Variants in RGS7 observed in about 807,000 individuals in gnomAD.
The protein encoded by RGS7 is regulator of G protein signaling 7, also known as regulator of G-protein signaling 7.
RGS7 carries 27 observed loss-of-function variants against 81.1 expected under a neutral mutation model. The ratio of observed to expected loss-of-function variants is 0.33; its 90% confidence interval spans 0.25 to 0.46. RGS7 has a LOEUF of 0.46. RGS7 is among the 20% of genes least tolerant of loss of function. The pLI, the probability that RGS7 is intolerant of heterozygous loss-of-function variation, is 1.00. For synonymous variants in RGS7, 208 were observed against 207.7 expected (o/e 1.00, Z -0.01); for missense variants, 396 against 607.4 (o/e 0.65, Z 3.66).
intron 2 of RGS7, among the ~76,000 whole-genome samples, chr1:241,344,431 T>C (rs2082762311): frequency 6.6e-6 from 1 of 152,200 alleles, no homozygotes; most frequent in Non-Finnish European, 1.5e-5. Context: ...AATGAACAGT[T>C]CACATACACT....
At chr1:241,268,989 ACAAATGTGATTCCT>A (rs1486038732) in intron 2 of RGS7, among the ~76,000 whole-genome samples, 1 of 152,222 alleles carries the variant, frequency 6.6e-6, no homozygotes, top group Non-Finnish European at 1.5e-5. Context: ...CTGTTACTTT[ACAAATGTGATTCCT>A]CATTTATTGG....
intron 2 of RGS7, among the ~76,000 whole-genome samples, chr1:241,189,738 C>T (rs561970891): frequency 6.6e-6 from 1 of 152,254 alleles, no homozygotes; most frequent in African/African-American, 2.4e-5. Context: ...TTATTTTAGT[C>T]TATGGACATT....
At chr1:241,005,688 C>T (rs2058653266) in intron 3 of RGS7, among the ~76,000 whole-genome samples, 1 of 152,106 alleles carries the variant, frequency 6.6e-6, no homozygotes, top group African/African-American at 2.4e-5. Flanking sequence ...GCATCCATCA[C>T]CACACCCACC....
chr1:240,945,242 A>T (rs1294294103), intron 4 of RGS7, among the ~76,000 whole-genome samples: 2 of 152,204 alleles, frequency 1.3e-5, no homozygotes, highest in Non-Finnish European at 2.9e-5. Context: ...GAAAGAGAAA[A>T]ATAGCCCAAT....
rs557613659 is a variant in RGS7 at position 240,882,372 on chromosome 1, C to T, written c.386-12253G>A. Among the ~76,000 whole-genome samples the T allele has an allele frequency of 3.9e-5, 6 of 152,274 alleles. No homozygotes were observed. The South Asian group carries it at 8.3e-4, about 21-fold the overall frequency. ...CAAAGGAAAGGGAAATGTCATTGAACGATTCTACCATGAGCCTACTTACAA... is the reference window on the plus strand; with the variant it reads ...CAAAGGAAAGGGAAATGTCATTGAATGATTCTACCATGAGCCTACTTACAA... On this transcript the variant is annotated intron_variant, in intron 6 of 18. Coordinates refer to ENST00000440928, the MANE Select transcript of RGS7 (RefSeq NM_001364886.1).
chr1:240,915,962 A>T (rs144474963), intron 6 of RGS7, among the ~76,000 whole-genome samples: 107 of 152,124 alleles, frequency 7.0e-4, no homozygotes, highest in African/African-American at 2.5e-3. Context: ...GAGAAAAAAA[A>T]GTATAAAAAA....
intron 3 of RGS7, among the ~76,000 whole-genome samples, chr1:241,026,787 G>A (rs1399253708): frequency 6.6e-6 from 1 of 150,764 alleles, no homozygotes; most frequent in Non-Finnish European, 1.5e-5. Context: ...AAAGAGTCTG[G>A]TGAGTGAGAG....
intron 6 of RGS7, among the ~76,000 whole-genome samples, chr1:240,887,791 T>G (rs1469170490): frequency 6.6e-6 from 1 of 152,234 alleles, no homozygotes; most frequent in Non-Finnish European, 1.5e-5. Context: ...TACCTCAGTG[T>G]CATTAAACTA....
intron 7 of RGS7, among the ~76,000 whole-genome samples, chr1:240,869,777 T>C (rs917285612): frequency 2.0e-5 from 3 of 152,038 alleles, no homozygotes; most frequent in Non-Finnish European, 2.9e-5. Context: ...CAGTCTCTAC[T>C]AAAAATACAA....
chr1:241,073,331 A>T (rs2062591892), intron 3 of RGS7, among the ~76,000 whole-genome samples: 1 of 152,200 alleles, frequency 6.6e-6, no homozygotes, highest in Non-Finnish European at 1.5e-5. Flanking sequence ...ATCTGTAATG[A>T]TAAATTCCCA....
chr1:240,811,962 C>T lies in RGS7; in HGVS notation c.1038G>A (p.Gln346=). 6.2e-7 allele frequency: 1 copy of T among 1,613,728 alleles called. No homozygotes were observed. The highest frequency in any genetic ancestry group is 8.5e-7 in the Non-Finnish European group (1 of 1,179,596). Residue 346 remains glutamine (Q), a synonymous_variant, in exon 14 of 19, where the codon CAG becomes CAA. Transcript: ENST00000440928. The part of the protein sequence containing the change: ...EALKDPVGRE[Q]FLKFLESEFS... ...ATTCTGACTCTAGAAATTTAAGGAA[C>T]TGTTCTCTCCCAACTGGGTCTTTCA... is the stretch of plus-strand genomic sequence containing the variant.
At chr1:241,313,154 A>G (rs1458057446) in intron 2 of RGS7, among the ~76,000 whole-genome samples, 2 of 152,246 alleles carry the variant, frequency 1.3e-5, no homozygotes, top group African/African-American at 4.8e-5. Flanking sequence ...CCGTAACATA[A>G]AAGTACAAAG....
rs529185655 is a variant in RGS7 at position 241,082,451 on chromosome 1, G to A, written c.175+16215C>T. On this transcript the variant is annotated intron_variant, in intron 3 of 18. Coordinates refer to ENST00000440928, the MANE Select transcript of RGS7 (RefSeq NM_001364886.1). Reference sequence around the variant, plus strand: ...ATTGCCAATTTTGTACTGTTCCTTCGAACATTCTGGTGAAAATAAGTCAGA... The same window carrying A: ...ATTGCCAATTTTGTACTGTTCCTTCAAACATTCTGGTGAAAATAAGTCAGA... 2.0e-5 allele frequency among the ~76,000 whole-genome samples: 3 copies of A among 152,230 alleles called. No individual in the cohort carries two copies. The South Asian group carries it at 6.2e-4, about 32-fold the overall frequency.
intron 2 of RGS7, among the ~76,000 whole-genome samples, chr1:241,121,710 CTTTTTTTTTTT>C (rs10681773): frequency 4.5e-5 from 3 of 66,404 alleles, no homozygotes; most frequent in South Asian, 6.5e-4. Flanking sequence ...TGCAATTGTT[CTTTTTTTTTTT>C]TTTTTTTTTT....
intron 4 of RGS7, among the ~76,000 whole-genome samples, chr1:240,959,842 G>A (rs917288281): frequency 3.9e-5 from 6 of 151,958 alleles, no homozygotes; most frequent in African/African-American, 1.2e-4. Context: ...ACAAGTTCAC[G>A]CTTAAATACA....
rs1682864858 is a variant in RGS7, at chr1:240,775,933, G to A, written c.*287C>T. ...TTCACTTGAACTTGTTAAAAAGGAAGAGACACAGATCCAGCATAGTAGAAG... is the reference window on the plus strand; with the variant it reads ...TTCACTTGAACTTGTTAAAAAGGAAAAGACACAGATCCAGCATAGTAGAAG... On this transcript the variant is annotated 3_prime_UTR_variant, in exon 19 of 19. Coordinates refer to ENST00000440928, the MANE Select transcript of RGS7 (RefSeq NM_001364886.1). 3.8e-6 allele frequency: 2 copies of A among 526,538 alleles called. No homozygotes were observed. Among genetic ancestry groups the A allele is most frequent in the Non-Finnish European group, 3.5e-6 (1 of 289,640 alleles). The allele number at this position is 526,538 out of a possible 1,614,324, so 32.6% of individuals were successfully genotyped here.
intron 4 of RGS7, among the ~76,000 whole-genome samples, chr1:240,981,441 T>C (rs1474469314): frequency 1.3e-5 from 2 of 152,134 alleles, no homozygotes; most frequent in Non-Finnish European, 2.9e-5. Flanking sequence ...AATACTCTTT[T>C]AAATCTACTT....
At chr1:240,804,376 T>C (rs1688494385) in intron 15 of RGS7, among the ~76,000 whole-genome samples, 1 of 152,118 alleles carries the variant, frequency 6.6e-6, no homozygotes, top group African/African-American at 2.4e-5. Flanking sequence ...GTGAAGAAAC[T>C]GAGGCGTGGA....
At chr1:241,342,602 A>G (rs1485700902) in intron 2 of RGS7, among the ~76,000 whole-genome samples, 1 of 152,260 alleles carries the variant, frequency 6.6e-6, no homozygotes, top group Non-Finnish European at 1.5e-5. Flanking sequence ...TCAAAAAGCT[A>G]GCTCAGAAGT....
Sources: gnomAD v4.1 joint callset for allele counts (sites outside exome capture counted in the v4.1 genomes callset) on GRCh38, gnomAD v4.1.1 for gene constraint, MANE v1.5 for transcripts, NCBI Gene and HGNC (gene_info 2026-07-23, HGNC 2026-07-21) for gene names.